The following C1GALT1 variants were observed in gnomAD, a reference collection of about 807,000 sequenced individuals.
C1GALT1 encodes the protein core 1 synthase, glycoprotein-N-acetylgalactosamine 3-beta-galactosyltransferase 1.
In C1GALT1, 11 loss-of-function variants were observed where a neutral mutation model predicts 31.0. The ratio of observed to expected loss-of-function variants is 0.36; its 90% CI spans 0.22 to 0.59. C1GALT1 has a LOEUF of 0.59. Ranked by LOEUF, C1GALT1 falls within the 20% of genes least tolerant of loss-of-function variation. The pLI, the probability that C1GALT1 is intolerant of heterozygous loss-of-function variation, is 0.79. For missense variants in C1GALT1, 424 were observed against 425.2 expected (o/e 1.00, Z 0.03); for synonymous variants, 175 against 143.6 (o/e 1.22, Z -1.56).
chr7:7,217,364 C>T (rs369951900), intron 1 of C1GALT1, among the ~76,000 whole-genome samples: 45 of 151,028 alleles, frequency 3.0e-4, no homozygotes, highest in African/African-American at 1.1e-3. Flanking sequence ...CCTACCTGCC[C>T]CCACCTTTTT....
intron 1 of C1GALT1, among the ~76,000 whole-genome samples, chr7:7,184,671 T>C (rs546620511): frequency 1.1e-4 from 17 of 152,352 alleles, no homozygotes; most frequent in South Asian, 8.3e-4. Flanking sequence ...AAATCATTGA[T>C]TGGAATTTTT....
Position 7,214,521 on chromosome 7 carries a change from C to A in C1GALT1, c.-17-19782C>A, listed in dbSNP as rs550351374. Among the ~76,000 whole-genome samples the A allele has an allele frequency of 4.0e-3, 608 of 152,300 alleles. 2 individuals are homozygous for A. Among genetic ancestry groups the A allele is most frequent in the Non-Finnish European group, 5.9e-3 (402 of 68,030 alleles). ...ACTCTTTAAGGAAATCCTTTTAAAT[C>A]CCCTGTTACTTGACTTTAGCCATGC... On this transcript the variant is annotated intron_variant, in intron 1 of 3. Transcript: ENST00000436587.
chr7:7,212,545 T>A (rs1458099330), intron 1 of C1GALT1, among the ~76,000 whole-genome samples: 2 of 152,216 alleles, frequency 1.3e-5, no homozygotes, highest in Admixed American at 6.5e-5. Context: ...TATGTCCGTA[T>A]AAGAGACCAC....
chr7:7,239,844 CT>C (rs1210841942), intron 3 of C1GALT1, among the ~76,000 whole-genome samples: 1 of 152,112 alleles, frequency 6.6e-6, no homozygotes, highest in Non-Finnish European at 1.5e-5. Flanking sequence ...AAATATCTTT[CT>C]ACAACTTGCC....
chr7:7,214,243 A>G (rs1782131624), intron 1 of C1GALT1, among the ~76,000 whole-genome samples: 1 of 152,148 alleles, frequency 6.6e-6, no homozygotes, highest in South Asian at 2.1e-4. Flanking sequence ...GGATTTCATG[A>G]GGAAAAAAAG....
intron 1 of C1GALT1, among the ~76,000 whole-genome samples, chr7:7,205,257 C>A (rs975628185): frequency 2.0e-5 from 3 of 152,082 alleles, no homozygotes; most frequent in Admixed American, 6.5e-5. Context: ...TGCTATCCCC[C>A]CCACGGAAAT....
At position 7,244,140 on chromosome 7, in the gene C1GALT1, T is replaced by C. The variant is rs1783753819; in HGVS notation, c.*413T>C. On this transcript the variant is annotated 3_prime_UTR_variant, in exon 4 of 4. Transcript: ENST00000436587. Reference sequence around the variant, plus strand: ...AAGAAAATTTTAGAAAGAAATATTGTTGCTCAGTGTTGTTAATATAGCTCA... The same window carrying C: ...AAGAAAATTTTAGAAAGAAATATTGCTGCTCAGTGTTGTTAATATAGCTCA... 1 of 154,036 alleles carries C rather than the reference T, an allele frequency of 6.5e-6. No homozygotes were observed. The highest frequency in any genetic ancestry group is 6.5e-5 in the Admixed American group (1 of 15,444). 9.5% of individuals were successfully genotyped at this position (154,036 alleles called of 1,614,324 possible).
At chr7:7,194,420 T>C (rs1781201151) in intron 1 of C1GALT1, among the ~76,000 whole-genome samples, 1 of 152,208 alleles carries the variant, frequency 6.6e-6, no homozygotes, top group Non-Finnish European at 1.5e-5. Flanking sequence ...TTTCTGTGTC[T>C]ATTGAGATGA....
chr7:7,160,031 G>T (rs1291579035), intron 2 of C1GALT1, among the ~76,000 whole-genome samples: 1 of 152,050 alleles, frequency 6.6e-6, no homozygotes, highest in East Asian at 1.9e-4. Flanking sequence ...AAAGATCAAT[G>T]GCAGCAACAC....
At chr7:7,179,859 C>CAAAAA (rs34406199), upstream of C1GALT1, among the ~76,000 whole-genome samples, 2 of 96,006 alleles carry the variant, frequency 2.1e-5, no homozygotes, top group Non-Finnish European at 4.6e-5. Context: ...GTTTCAGGTT[C>CAAAAA]AAAAAAAAAA....
chr7:7,173,721 G>T (rs1489657862), intron 2 of C1GALT1, among the ~76,000 whole-genome samples: 1 of 152,106 alleles, frequency 6.6e-6, no homozygotes, highest in Non-Finnish European at 1.5e-5. Flanking sequence ...GCGCAACATG[G>T]TGAAACCCTA....
chr7:7,176,866 T>A (rs555119138), intron 2 of C1GALT1, among the ~76,000 whole-genome samples: 1 of 152,312 alleles, frequency 6.6e-6, no homozygotes, highest in South Asian at 2.1e-4. Context: ...TGTCAGGTAT[T>A]TTCAATAGGA....
At chr7:7,216,983 A>G (rs998068907) in intron 1 of C1GALT1, among the ~76,000 whole-genome samples, 4 of 152,054 alleles carry the variant, frequency 2.6e-5, no homozygotes, top group Admixed American at 6.5e-5. Flanking sequence ...CATTAGACAC[A>G]CACACACACA....
chr7:7,167,828 A>C (rs1470046422), intron 2 of C1GALT1, among the ~76,000 whole-genome samples: 1 of 152,082 alleles, frequency 6.6e-6, no homozygotes, highest in Non-Finnish European at 1.5e-5. Context: ...TACTCCTATG[A>C]AGCAGCAAAA....
upstream of C1GALT1, among the ~76,000 whole-genome samples, chr7:7,177,563 T>C (rs1395368386): frequency 6.6e-6 from 1 of 152,224 alleles, no homozygotes; most frequent in East Asian, 1.9e-4. Flanking sequence ...GTGATAATTA[T>C]GCATTCTTTT....
chr7:7,218,377 A>G (rs756385621), intron 1 of C1GALT1, among the ~76,000 whole-genome samples: 2 of 152,190 alleles, frequency 1.3e-5, no homozygotes, highest in Non-Finnish European at 2.9e-5. Flanking sequence ...AAAGTATTAT[A>G]TTTTTAAGAC....
At position 7,234,800 on chromosome 7, in the gene C1GALT1, T is replaced by A. The variant is rs1783258168; in HGVS notation, c.220+261T>A. ...GCATAACTATTCAGATTTGATTTGT[T>A]TCTGAAAATGTTTTTCTAGGTTCAG... is the stretch of plus-strand genomic sequence containing the variant. On this transcript the variant is annotated intron_variant, in intron 2 of 3. Transcript: ENST00000436587. 1.1e-5 allele frequency: 3 copies of A among 274,062 alleles called. No homozygotes were observed. The South Asian group carries it at 2.6e-4, about 24-fold the overall frequency. 17.0% of individuals were successfully genotyped at this position (274,062 alleles called of 1,614,324 possible).
At position 7,234,423 on chromosome 7, in the gene C1GALT1, T is replaced by G. The variant is rs41282685; in HGVS notation, c.104T>G (p.Val35Gly). 1.4e-3 allele frequency: 2,338 copies of G among 1,613,890 alleles called. 29 individuals are homozygous for G. In the African/African-American group the frequency reaches 0.026, roughly 18 times the overall value. ...QLFSILLGEKVDTQPNVLHND... is the reference protein window; with the variant it reads ...QLFSILLGEKGDTQPNVLHND... The stretch of plus-strand genomic sequence containing the variant: ...TTTAGTATTTTGTTGGGAGAAAAGG[T>G]TGACACCCAGCCTAATGTTCTTCAT... Residue 35 changes from valine (V) to glycine (G), a missense_variant, in exon 2 of 4, where the codon GTT becomes GGT. Physicochemically the swap from Val to Gly is moderately radical, Grantham distance 109. Around this residue, in one of 3 missense-constraint regions of C1GALT1, gnomAD observed 189 missense variants for 158.2 expected, o/e 1.19. Transcript: ENST00000436587.
intron 3 of C1GALT1, among the ~76,000 whole-genome samples, chr7:7,239,587 T>A (rs141744027): frequency 3.7e-4 from 57 of 152,316 alleles, no homozygotes; most frequent in African/African-American, 1.3e-3. Flanking sequence ...GTACCTGTCT[T>A]ATTTAGTTGT....
Sources: gnomAD v4.1 joint callset for allele counts (sites outside exome capture counted in the v4.1 genomes callset) on GRCh38, gnomAD v4.1.1 for gene constraint, gnomAD v4.1.1 regional missense constraint, MANE v1.5 for transcripts, NCBI Gene and HGNC (gene_info 2026-07-23, HGNC 2026-07-21) for gene names.